Variants in MATR3 observed in about 807,000 individuals in gnomAD.
MATR3 encodes the protein matrin-3.
MATR3 carries 4 observed loss-of-function variants against 85.5 expected under a neutral mutation model. That is an observed-to-expected ratio of 0.05 (90% CI 0.02 to 0.11). The LOEUF (loss-of-function observed/expected upper bound fraction) is 0.11, where lower values mean the gene tolerates loss of function less well. Among genes scored for constraint, MATR3 ranks in the 10% least tolerant of loss-of-function variants. The probability of loss-of-function intolerance (pLI) is 1.00; values close to 1 mark genes in which losing one functional copy is unlikely to be tolerated. For synonymous variants in MATR3, 336 were observed against 343.1 expected (o/e 0.98, Z 0.23); for missense variants, 685 against 1,016.1 (o/e 0.67, Z 4.43).
rs188034749 is a variant in MATR3, at chr5:139,328,820, G to A, written c.2494-525G>A. On this transcript the variant is annotated intron_variant, in intron 14 of 14. Coordinates refer to ENST00000394805, the MANE Select transcript of MATR3 (RefSeq NM_018834.6). ...AGTTTGAGACCAGCCTGGCCAACACGGTGAAAACCCCGTCTCTACCAAAAG... is the reference window on the plus strand; with the variant it reads ...AGTTTGAGACCAGCCTGGCCAACACAGTGAAAACCCCGTCTCTACCAAAAG... Among the ~76,000 whole-genome samples the A allele has an allele frequency of 3.2e-3, 493 of 152,118 alleles. 3 individuals are homozygous for A. Among genetic ancestry groups the A allele is most frequent in the African/African-American group, 0.011 (470 of 41,496 alleles).
rs1337410705 is a variant in MATR3, at chr5:139,330,950, C to G, written c.*1555C>G. On this transcript the variant is annotated 3_prime_UTR_variant, in exon 15 of 15. Coordinates refer to ENST00000394805, the MANE Select transcript of MATR3 (RefSeq NM_018834.6). The stretch of plus-strand genomic sequence containing the variant: ...GGACTACAGGCTCATGCCACTATAC[C>G]TGGCTAGTTTTTGGTTTTTTTGTAT... The G allele has an allele frequency of 2.2e-6, 1 of 453,922 alleles. No individual in the cohort carries two copies. The highest frequency in any genetic ancestry group is 4.4e-6 in the Non-Finnish European group (1 of 226,794). 28.1% of individuals were successfully genotyped at this position (453,922 alleles called of 1,614,324 possible).
chr5:139,322,077 T>C (rs1322425423), intron 10 of MATR3, 48 bp downstream of exon 10: 12 of 1,585,202 alleles, frequency 7.6e-6, no homozygotes, highest in African/African-American at 1.3e-5. Context: ...TTTTTACATA[T>C]TTAAAGCCAC....
intron 1 of MATR3, among the ~76,000 whole-genome samples, chr5:139,275,271 A>G (rs1008938738): frequency 6.8e-6 from 1 of 147,422 alleles, no homozygotes; most frequent in Non-Finnish European, 1.5e-5. Flanking sequence ...TGCTGGGATT[A>G]CAGGCGTGAG....
chr5:139,316,110 C>A lies in MATR3; in HGVS notation c.1051C>A (p.Pro351Thr). The A allele has an allele frequency of 6.2e-7, 1 of 1,613,698 alleles. No individual in the cohort carries two copies. The change falls in exon 5 of 15, where the codon CCA becomes ACA. Residue 351 changes from proline (P) to threonine (T), a missense_variant. By Grantham distance (38) the Pro-to-Thr change is conservative. Coordinates refer to ENST00000394805, the MANE Select transcript of MATR3 (RefSeq NM_018834.6). The part of the protein sequence containing the change: ...DPFMLQQSTN[P>T]APGILGPPPP... The stretch of plus-strand genomic sequence containing the variant: ...ATTCATGTTGCAGCAGTCTACAAAT[C>A]CAGCACCAGGAATTCTGGGACCTCC...
At chr5:139,318,839 A>C in intron 7 of MATR3, 69 bp from the exon 8 acceptor site, 1 of 1,491,194 alleles carries the variant, frequency 6.7e-7, no homozygotes, top group East Asian at 2.3e-5. Context: ...TTTAGGAAAA[A>C]AAATCTTTAG....
rs368175267 is a variant in MATR3 at position 139,331,507 on chromosome 5, G to A, written c.*2112G>A. The A allele has an allele frequency of 6.6e-6, 3 of 454,112 alleles. No individual in the cohort carries two copies. The highest frequency in any genetic ancestry group is 6.9e-5 in the East Asian group (1 of 14,400). 28.1% of individuals were successfully genotyped at this position (454,112 alleles called of 1,614,324 possible). A position where few individuals can be genotyped will look rare whatever the true frequency, so the allele number is the denominator to read the frequency against. The stretch of plus-strand genomic sequence containing the variant: ...AATCAGAAATTATAATAAGCTGTTA[G>A]TGATAAATCTGTAACAGCCCTTCGA... On this transcript the variant is annotated 3_prime_UTR_variant, in exon 15 of 15. Transcript: ENST00000394805.
At chr5:139,291,937 CCTT>C (rs1753883715), upstream of MATR3, 1 of 133,564 alleles carries the variant, frequency 7.5e-6, no homozygotes, top group Non-Finnish European at 1.6e-5. Context: ...AATTACATAA[CCTT>C]TTTTTTTTTT....
chr5:139,328,190 A>C (rs970348955), intron 14 of MATR3, among the ~76,000 whole-genome samples: 7 of 152,230 alleles, frequency 4.6e-5, no homozygotes, highest in Middle Eastern at 3.4e-3. Flanking sequence ...AAAAAAAAAA[A>C]AAAACTTTGT....
intron 1 of MATR3, among the ~76,000 whole-genome samples, chr5:139,297,750 C>CTTT (rs899231114): frequency 1.6e-4 from 24 of 152,118 alleles, no homozygotes; most frequent in African/African-American, 5.6e-4. Flanking sequence ...GCTCAAGGCT[C>CTTT]TTTGGAAGTG....
chr5:139,278,944 C>T (rs768214996), intron 2 of MATR3: 1 of 517,134 alleles, frequency 1.9e-6, no homozygotes, highest in South Asian at 1.4e-5. Flanking sequence ...TGGAATGACT[C>T]CTGTGGAGTT....
At chr5:139,327,334 T>C (rs1453309050) in intron 14 of MATR3, among the ~76,000 whole-genome samples, 2 of 151,256 alleles carry the variant, frequency 1.3e-5, no homozygotes, top group East Asian at 3.9e-4. Context: ...ATGTAACTGC[T>C]CTTTGCCACC....
intron 1 of MATR3, among the ~76,000 whole-genome samples, chr5:139,304,959 G>A (rs1405909356): frequency 6.6e-6 from 1 of 152,144 alleles, no homozygotes. Flanking sequence ...TTTCAACAAT[G>A]TTGCCACATC....
intron 2 of MATR3, chr5:139,278,687 C>T (rs1561917606): frequency 6.9e-6 from 3 of 432,152 alleles, no homozygotes; most frequent in Admixed American, 2.4e-5. Context: ...AGTGCTTCCA[C>T]GCCTGTTTTG....
chr5:139,316,212 C>T, intron 5 of MATR3, 24 bp downstream of exon 5: 1 of 1,519,468 alleles, frequency 6.6e-7, no homozygotes, highest in Non-Finnish European at 9.1e-7. Flanking sequence ...ATTCATGTTA[C>T]TTTTCCCTAC....
chr5:139,316,228 C>G (rs779505649), intron 5 of MATR3, 40 bp downstream of exon 5: 1 of 1,471,486 alleles, frequency 6.8e-7, no homozygotes, highest in African/African-American at 1.4e-5. Context: ...CCTACAGAGC[C>G]GTTACTGAAA....
intron 1 of MATR3, among the ~76,000 whole-genome samples, chr5:139,274,849 C>A (rs879543075): frequency 8.6e-5 from 13 of 151,744 alleles, no homozygotes; most frequent in Non-Finnish European, 1.6e-4. Flanking sequence ...CGCTTGAACC[C>A]GGGAGGCAGA....
upstream of MATR3, chr5:139,293,319 C>T (rs62383032): frequency 0.045 from 6,813 of 152,186 alleles, 220 homozygotes; most frequent in African/African-American, 0.085. Flanking sequence ...CTTTGTGGCC[C>T]CAATATCTGG....
At chr5:139,283,154 T>C (rs903328509) in intron 3 of MATR3, 1 of 152,260 alleles carries the variant, frequency 6.6e-6, no homozygotes, top group Non-Finnish European at 1.5e-5. Context: ...AGGATGGGGA[T>C]TTTGTTATCA....
chr5:139,326,035 TTTATC>T, intron 13 of MATR3, 123 bp from the exon 14 acceptor site: 1 of 879,274 alleles, frequency 1.1e-6, no homozygotes, highest in South Asian at 1.7e-5. Context: ...GTTTTTGTTT[TTTATC>T]TTAGGCTGTA....
Sources: allele counts gnomAD v4.1 joint callset (sites outside exome capture counted in the v4.1 genomes callset), GRCh38; gene constraint gnomAD v4.1.1; transcripts MANE v1.5; gene names NCBI Gene and HGNC (gene_info 2026-07-23, HGNC 2026-07-21).